IQCJ: variants seen among roughly 807,000 people sequenced by gnomAD.
The protein encoded by IQCJ is IQ domain-containing protein J.
IQCJ carries 9 observed loss-of-function variants against 11.0 expected under a neutral mutation model. The ratio of observed to expected loss-of-function variants is 0.82; its 90% confidence interval spans 0.49 to 1.43. The LOEUF (loss-of-function observed/expected upper bound fraction) is 1.43, where lower values mean the gene tolerates loss of function less well. Ranked by LOEUF, IQCJ falls within the 40% of genes most tolerant of loss-of-function variation. The probability of loss-of-function intolerance (pLI) is 0.00; values close to 1 mark genes in which losing one functional copy is unlikely to be tolerated. For synonymous variants in IQCJ, 55 were observed against 51.3 expected (o/e 1.07, Z -0.31); for missense variants, 146 against 133.2 (o/e 1.10, Z -0.47).
At chr3:159,072,565 TTAAG>T (rs1715647103) in intron 1 of IQCJ, among the ~76,000 whole-genome samples, 3 of 152,134 alleles carry the variant, frequency 2.0e-5, no homozygotes, top group Admixed American at 2.0e-4. Context: ...AATTATTTGA[TTAAG>T]TAAACATTTC....
At chr3:159,142,345 G>T (rs1720651661) in intron 1 of IQCJ, among the ~76,000 whole-genome samples, 1 of 152,112 alleles carries the variant, frequency 6.6e-6, no homozygotes, top group Admixed American at 6.5e-5. Flanking sequence ...TGGTCTCCAA[G>T]GCCCCACGGG....
intron 1 of IQCJ, among the ~76,000 whole-genome samples, chr3:159,186,827 A>C (rs1723398902): frequency 6.6e-6 from 1 of 152,254 alleles, no homozygotes; most frequent in South Asian, 2.1e-4. Flanking sequence ...AGCACTTTTG[A>C]ACATGCTGCT....
chr3:159,120,756 G>T (rs1719320393), intron 1 of IQCJ, among the ~76,000 whole-genome samples: 1 of 152,178 alleles, frequency 6.6e-6, no homozygotes, highest in Admixed American at 6.5e-5. Flanking sequence ...ACCTAAAGTG[G>T]CTAACAGTAA....
At chr3:159,123,524 A>G (rs1451884402) in intron 1 of IQCJ, among the ~76,000 whole-genome samples, 2 of 149,294 alleles carry the variant, frequency 1.3e-5, no homozygotes, top group Admixed American at 6.6e-5. Flanking sequence ...TTGGAGCTTG[A>G]TTGGGTGGGT....
chr3:159,131,849 G>A (rs1421228156), intron 1 of IQCJ, among the ~76,000 whole-genome samples: 1 of 152,050 alleles, frequency 6.6e-6, no homozygotes, highest in Admixed American at 6.6e-5. Flanking sequence ...TGATTCTCAG[G>A]CTCTCATTTG....
At chr3:159,106,954 C>G (rs1470685063) in intron 1 of IQCJ, among the ~76,000 whole-genome samples, 1 of 152,112 alleles carries the variant, frequency 6.6e-6, no homozygotes, top group Non-Finnish European at 1.5e-5. Context: ...TTTATAGGAG[C>G]CACAGGTCCT....
At chr3:159,160,656 A>G (rs1205918463) in intron 1 of IQCJ, among the ~76,000 whole-genome samples, 2 of 150,276 alleles carry the variant, frequency 1.3e-5, no homozygotes, top group East Asian at 2.0e-4. Flanking sequence ...AGCATTAGGT[A>G]TATCTCCTAA....
chr3:159,086,060 T>A (rs947648847), intron 1 of IQCJ, among the ~76,000 whole-genome samples: 1 of 152,252 alleles, frequency 6.6e-6, no homozygotes, highest in African/African-American at 2.4e-5. Context: ...ATCTAACATT[T>A]AAGCCTTTAA....
intron 1 of IQCJ, among the ~76,000 whole-genome samples, chr3:159,190,192 C>A (rs1200992541): frequency 2.6e-5 from 4 of 152,182 alleles, no homozygotes; most frequent in African/African-American, 9.7e-5. Flanking sequence ...GGTGGAAAAA[C>A]CTCTCCTTTC....
chr3:159,163,872 A>G lies in IQCJ; in HGVS notation c.10-81971A>G, dbSNP rs568740042. ...ACACTGCATACACTACGCTTGAGGT[A>G]TGAGCACATCAGGCCTCATTCTCTG... On this transcript the variant is annotated intron_variant, in intron 1 of 3. Coordinates refer to ENST00000397832, the MANE Select transcript of IQCJ (RefSeq NM_001042706.3). Among the ~76,000 whole-genome samples the G allele has an allele frequency of 4.5e-4, 69 of 152,330 alleles. 1 individual carries two copies. The highest frequency in any genetic ancestry group is 2.9e-3 in the Admixed American group (44 of 15,296).
intron 1 of IQCJ, among the ~76,000 whole-genome samples, chr3:159,130,534 C>T (rs1719929900): frequency 6.6e-6 from 1 of 152,154 alleles, no homozygotes; most frequent in African/African-American, 2.4e-5. Context: ...GATGTTTCCT[C>T]ATCTGTAAAA....
chr3:159,202,186 A>G (rs1190594802), intron 1 of IQCJ, among the ~76,000 whole-genome samples: 2 of 152,134 alleles, frequency 1.3e-5, no homozygotes, highest in Admixed American at 6.5e-5. Context: ...TCCATTTGTA[A>G]CTTTAAAGGC....
intron 1 of IQCJ, among the ~76,000 whole-genome samples, chr3:159,172,976 C>G (rs927829925): frequency 6.6e-6 from 1 of 152,112 alleles, no homozygotes; most frequent in Non-Finnish European, 1.5e-5. Flanking sequence ...TATAACAGAT[C>G]AAATCCCAAT....
At chr3:159,265,427 A>T, downstream of IQCJ, 1 of 1,585,996 alleles carries the variant, frequency 6.3e-7, no homozygotes, top group Non-Finnish European at 8.6e-7. Flanking sequence ...TTATGGAGGG[A>T]ATAGGATGAT....
intron 1 of IQCJ, among the ~76,000 whole-genome samples, chr3:159,133,869 TA>T (rs993392225): frequency 6.6e-6 from 1 of 151,820 alleles, no homozygotes; most frequent in African/African-American, 2.4e-5. Context: ...ACTATCTCAT[TA>T]TTTTTGCGAG....
At chr3:159,223,847 C>T (rs1200220018) in intron 1 of IQCJ, among the ~76,000 whole-genome samples, 1 of 152,082 alleles carries the variant, frequency 6.6e-6, no homozygotes, top group Non-Finnish European at 1.5e-5. Context: ...TATAAAATTA[C>T]CTCAGGCTAT....
intron 1 of IQCJ, among the ~76,000 whole-genome samples, chr3:159,185,954 T>G (rs1446172902): frequency 9.9e-5 from 15 of 152,240 alleles, no homozygotes; most frequent in Admixed American, 3.9e-4. Context: ...AGACCATTTT[T>G]AACAGAAGGG....
intron 3 of IQCJ, among the ~76,000 whole-genome samples, chr3:159,261,449 A>G (rs1728199964): frequency 6.6e-6 from 1 of 152,148 alleles, no homozygotes; most frequent in Non-Finnish European, 1.5e-5. Context: ...TGATCCCCAC[A>G]TGTCAAGGGT....
intron 1 of IQCJ, among the ~76,000 whole-genome samples, chr3:159,084,131 A>G (rs758649508): frequency 6.6e-6 from 1 of 152,072 alleles, no homozygotes. Flanking sequence ...TTGTGATATT[A>G]TACTATATTT....
Sources: allele counts gnomAD v4.1 joint callset (sites outside exome capture counted in the v4.1 genomes callset), GRCh38; gene constraint gnomAD v4.1.1; transcripts MANE v1.5; gene names NCBI Gene and HGNC (gene_info 2026-07-23, HGNC 2026-07-21).